Variants in DOCK10 observed in about 807,000 individuals in gnomAD.
DOCK10 encodes the protein dedicator of cytokinesis 10.
Under a neutral mutation model 280.1 loss-of-function variants are expected in DOCK10, and 145 were observed. The ratio of observed to expected loss-of-function variants is 0.52; its 90% CI spans 0.45 to 0.59. DOCK10 has a LOEUF of 0.59. Ranked by LOEUF, DOCK10 falls within the 20% of genes least tolerant of loss-of-function variation. DOCK10 has a pLI of 0.00. For synonymous variants in DOCK10, 915 were observed against 942.2 expected (o/e 0.97, Z 0.53); for missense variants, 2,368 against 2,651.7 (o/e 0.89, Z 2.35).
chr2:224,825,109 G>T (rs1044201044), intron 27 of DOCK10, among the ~76,000 whole-genome samples: 3 of 151,694 alleles, frequency 2.0e-5, no homozygotes, highest in Admixed American at 1.3e-4. Context: ...CTCCTGAGTA[G>T]CTGGGATTAC....
At chr2:224,834,357 T>C (rs1695461676) in intron 25 of DOCK10, 94 bp from the exon 26 acceptor site, 1 of 765,584 alleles carries the variant, frequency 1.3e-6, no homozygotes, top group Non-Finnish European at 2.3e-6. Flanking sequence ...CTCTAAATTA[T>C]CTGCTCATGC....
intron 1 of DOCK10, among the ~76,000 whole-genome samples, chr2:225,039,708 CTCTCTG>C (rs1690364302): frequency 7.0e-6 from 1 of 142,184 alleles, no homozygotes; most frequent in South Asian, 2.2e-4. Flanking sequence ...CTCTCTCTCT[CTCTCTG>C]TATACACACC....
chr2:224,780,499 C>T (rs1691246545), intron 50 of DOCK10, among the ~76,000 whole-genome samples: 1 of 152,092 alleles, frequency 6.6e-6, no homozygotes, highest in Admixed American at 6.6e-5. Context: ...TTCTTTTTCA[C>T]CATAGTGTGA....
intron 2 of DOCK10, among the ~76,000 whole-genome samples, chr2:224,922,119 CAAAAAAA>C (rs35964702): frequency 3.9e-5 from 2 of 51,590 alleles, no homozygotes; most frequent in African/African-American, 7.5e-5. Flanking sequence ...AACTCCATCT[CAAAAAAA>C]AAAAAAAAAA....
At chr2:224,843,021 A>AG in intron 22 of DOCK10, among the ~76,000 whole-genome samples, 1 of 151,564 alleles carries the variant, frequency 6.6e-6, no homozygotes, top group Admixed American at 6.6e-5. Context: ...AACAAGGGGA[A>AG]GGGGGGTATC....
At chr2:224,974,094 A>T (rs1425110725) in intron 1 of DOCK10, among the ~76,000 whole-genome samples, 2 of 152,174 alleles carry the variant, frequency 1.3e-5, no homozygotes, top group African/African-American at 2.4e-5. Flanking sequence ...ACTTATCATG[A>T]TTACAATTTT....
chr2:224,770,692 G>T lies in DOCK10; in HGVS notation c.6205-47C>A. ...AAGGATGATCTACCTTCTGCATGGA[G>T]TCTTTTCCACCGCTGGAAGAGGAGC... is the stretch of plus-strand genomic sequence containing the variant. On this transcript the variant is annotated intron_variant, in intron 53 of 55. Coordinates refer to ENST00000258390, the MANE Select transcript of DOCK10 (RefSeq NM_014689.3). The surrounding 1 kb of genome is among the most constrained non-coding windows in gnomAD (Gnocchi z 4.5). 1 of 1,396,474 alleles carries T rather than the reference G, an allele frequency of 7.2e-7. No homozygotes were observed. Among genetic ancestry groups the T allele is most frequent in the Non-Finnish European group, 1.0e-6 (1 of 982,574 alleles). 86.5% of individuals were successfully genotyped at this position (1,396,474 alleles called of 1,614,324 possible).
Position 224,881,809 on chromosome 2 carries a change from A to C in DOCK10, c.747+3862T>G, listed in dbSNP as rs963853266. On this transcript the variant is annotated intron_variant, in intron 7 of 55. Coordinates refer to ENST00000258390, the MANE Select transcript of DOCK10 (RefSeq NM_014689.3). Reference sequence around the variant, plus strand: ...CTTACGGGTCATATTTGGCTTCTAGATTTGTTTTCCTTGTAATGTTCTTTC... The same window carrying C: ...CTTACGGGTCATATTTGGCTTCTAGCTTTGTTTTCCTTGTAATGTTCTTTC... 2.0e-5 allele frequency among the ~76,000 whole-genome samples: 3 copies of C among 152,230 alleles called. No individual in the cohort carries two copies. The South Asian group carries it at 6.2e-4, about 32-fold the overall frequency.
intron 1 of DOCK10, among the ~76,000 whole-genome samples, chr2:224,938,727 A>C (rs1328360080): frequency 6.6e-6 from 1 of 152,138 alleles, no homozygotes; most frequent in African/African-American, 2.4e-5. Context: ...CTTCCACGCC[A>C]CTTGTGTTTA....
chr2:224,792,294 T>C (rs904167775), intron 47 of DOCK10, among the ~76,000 whole-genome samples: 2 of 152,152 alleles, frequency 1.3e-5, no homozygotes, highest in Admixed American at 6.5e-5. Context: ...TTTCTTTTTA[T>C]TTTTTTGGAG....
At chr2:224,781,022 C>T (rs1255476402) in intron 50 of DOCK10, among the ~76,000 whole-genome samples, 1 of 152,130 alleles carries the variant, frequency 6.6e-6, no homozygotes, top group African/African-American at 2.4e-5. Flanking sequence ...GCTGTAAGGA[C>T]CGCGCTTGGT....
chr2:224,956,149 G>T (rs542998903), intron 1 of DOCK10, among the ~76,000 whole-genome samples: 65 of 152,188 alleles, frequency 4.3e-4, no homozygotes, highest in Non-Finnish European at 7.2e-4. Context: ...CAAGCACTGA[G>T]ACTTGATTTG....
At chr2:224,964,457 C>T (rs1704618942) in intron 1 of DOCK10, among the ~76,000 whole-genome samples, 1 of 151,492 alleles carries the variant, frequency 6.6e-6, no homozygotes, top group African/African-American at 2.4e-5. Flanking sequence ...AAGTCCTGGC[C>T]TTTAAGTATG....
chr2:224,941,544 G>A (rs886199890), intron 1 of DOCK10, among the ~76,000 whole-genome samples: 7 of 152,080 alleles, frequency 4.6e-5, no homozygotes, highest in Non-Finnish European at 5.9e-5. Flanking sequence ...AGAGGACCAG[G>A]CCGGGCCTGG....
At chr2:224,814,996 C>G (rs1694032454) in intron 30 of DOCK10, among the ~76,000 whole-genome samples, 1 of 152,158 alleles carries the variant, frequency 6.6e-6, no homozygotes, top group Non-Finnish European at 1.5e-5. Context: ...GAGCTACTGA[C>G]TAATAGTAAG....
chr2:224,813,489 C>T (rs1693922315), intron 31 of DOCK10, among the ~76,000 whole-genome samples: 1 of 152,142 alleles, frequency 6.6e-6, no homozygotes, highest in South Asian at 2.1e-4. Flanking sequence ...ATCCACCGCG[C>T]CCAATTTTTG....
chr2:224,853,541 G>T (rs1696895692), intron 16 of DOCK10, among the ~76,000 whole-genome samples: 1 of 152,160 alleles, frequency 6.6e-6, no homozygotes, highest in African/African-American at 2.4e-5. Context: ...ATCTATTACT[G>T]ATAGTACCAG....
At position 224,958,137 on chromosome 2, in the gene DOCK10, T is replaced by C. The variant is rs117683696; in HGVS notation, c.124-26469A>G. ...ACTTTATTAGATGTTGTGAGGCTTA[T>C]TAATAGAATATTGGTGAAGTGCTTA... is the stretch of plus-strand genomic sequence containing the variant. On this transcript the variant is annotated intron_variant, in intron 1 of 55. Coordinates refer to ENST00000258390, the MANE Select transcript of DOCK10 (RefSeq NM_014689.3). Among the ~76,000 whole-genome samples, 203 of 152,354 alleles carry C rather than the reference T, an allele frequency of 1.3e-3. 4 individuals carry two copies. The East Asian group carries it at 0.038, about 29-fold the overall frequency.
intron 3 of DOCK10, among the ~76,000 whole-genome samples, chr2:224,902,058 G>C (rs1213218152): frequency 2.0e-5 from 3 of 152,206 alleles, no homozygotes; most frequent in Non-Finnish European, 4.4e-5. Context: ...GTTTAAAAAT[G>C]AGTGGGCTAT....
Sources: gnomAD v4.1 joint callset for allele counts (sites outside exome capture counted in the v4.1 genomes callset) on GRCh38, gnomAD v4.1.1 for gene constraint, Gnocchi (gnomAD v3.1) non-coding constraint, MANE v1.5 for transcripts, NCBI Gene and HGNC (gene_info 2026-07-23, HGNC 2026-07-21) for gene names.